Variants in NHEJ1 observed in about 807,000 individuals in gnomAD.
NHEJ1 encodes the protein non-homologous end joining factor 1.
NHEJ1 carries 22 observed loss-of-function variants against 39.4 expected under a neutral mutation model. The ratio of observed to expected loss-of-function variants is 0.56; its 90% CI spans 0.40 to 0.80. NHEJ1 has a LOEUF of 0.80. Among genes scored for constraint, NHEJ1 ranks in the 30% least tolerant of loss-of-function variants. NHEJ1 has a pLI of 0.00. For missense variants in NHEJ1, 329 were observed against 357.1 expected (o/e 0.92, Z 0.63); for synonymous variants, 154 against 135.6 (o/e 1.14, Z -0.94).
At chr2:219,145,489 G>A (rs1949730258) in intron 5 of NHEJ1, among the ~76,000 whole-genome samples, 3 of 152,146 alleles carry the variant, frequency 2.0e-5, no homozygotes, top group Non-Finnish European at 4.4e-5. Context: ...TTCAAAAGAG[G>A]TACGGGACAC....
chr2:219,103,450 A>G (rs1302284890), intron 5 of NHEJ1, among the ~76,000 whole-genome samples: 1 of 151,614 alleles, frequency 6.6e-6, no homozygotes, highest in Non-Finnish European at 1.5e-5. Context: ...TAATTTTTGT[A>G]TTTTTAGTAG....
intron 5 of NHEJ1, among the ~76,000 whole-genome samples, chr2:219,113,463 A>T (rs1410854617): frequency 1.3e-5 from 2 of 152,146 alleles, no homozygotes; most frequent in Non-Finnish European, 2.9e-5. Context: ...TATTTTTTGT[A>T]ATCTGACATT....
At chr2:219,134,519 C>T (rs1165545483) in intron 5 of NHEJ1, among the ~76,000 whole-genome samples, 1 of 152,190 alleles carries the variant, frequency 6.6e-6, no homozygotes, top group African/African-American at 2.4e-5. Context: ...GGCTATTACT[C>T]CTTCCAGTTA....
intron 5 of NHEJ1, among the ~76,000 whole-genome samples, chr2:219,089,666 T>C (rs1423872257): frequency 6.6e-6 from 1 of 152,242 alleles, no homozygotes; most frequent in African/African-American, 2.4e-5. Flanking sequence ...GTAGTTATGG[T>C]TGCATAACCT....
intron 5 of NHEJ1, among the ~76,000 whole-genome samples, 173 bp from the exon 6 acceptor site, chr2:219,078,379 G>A (rs1949033942): frequency 6.6e-6 from 1 of 152,160 alleles, no homozygotes; most frequent in Admixed American, 6.5e-5. Flanking sequence ...GATTTCTTGG[G>A]ACATCTCCTC....
At chr2:219,094,467 AT>A (rs1380076032) in intron 5 of NHEJ1, among the ~76,000 whole-genome samples, 1 of 152,134 alleles carries the variant, frequency 6.6e-6, no homozygotes, top group African/African-American at 2.4e-5. Flanking sequence ...GTTTTCCTAA[AT>A]GGATATGATC....
At chr2:219,159,566 T>TATATATGCATATATATATGC (rs745767133) in intron 1 of NHEJ1, among the ~76,000 whole-genome samples, 2 of 17,660 alleles carry the variant, frequency 1.1e-4, no homozygotes, top group African/African-American at 1.5e-4. Flanking sequence ...TATATATGCA[T>TATATATGCATATATATATGC]ATATATATGC....
At chr2:219,125,155 T>G (rs1949503484) in intron 5 of NHEJ1, among the ~76,000 whole-genome samples, 2 of 147,904 alleles carry the variant, frequency 1.4e-5, no homozygotes, top group Admixed American at 6.7e-5. Flanking sequence ...GATCAAGAAC[T>G]GATAGACTTA....
chr2:219,130,694 T>C (rs1157534542), intron 5 of NHEJ1, among the ~76,000 whole-genome samples: 1 of 152,154 alleles, frequency 6.6e-6, no homozygotes, highest in East Asian at 1.9e-4. Flanking sequence ...CATGTTAGGT[T>C]GGATGAAATG....
At chr2:219,145,776 T>C (rs1481182561) in intron 5 of NHEJ1, among the ~76,000 whole-genome samples, 1 of 151,712 alleles carries the variant, frequency 6.6e-6, no homozygotes, top group Non-Finnish European at 1.5e-5. Context: ...CTACTAAAAA[T>C]ACAAAATTAG....
intron 3 of NHEJ1, among the ~76,000 whole-genome samples, chr2:219,153,340 C>G (rs1949815839): frequency 6.6e-6 from 1 of 152,174 alleles, no homozygotes; most frequent in Non-Finnish European, 1.5e-5. Flanking sequence ...AAATTCGAGT[C>G]TGCTGGTTCC....
chr2:219,130,002 A>T (rs1264244185), intron 5 of NHEJ1, among the ~76,000 whole-genome samples: 1 of 141,446 alleles, frequency 7.1e-6, no homozygotes. Context: ...TCCCTCTCTC[A>T]GTTCTATTTT....
Position 219,076,181 on chromosome 2 carries a change from C to A in NHEJ1, c.*200G>T. 8.2e-7 allele frequency: 1 copy of A among 1,214,554 alleles called. No homozygotes were observed. Among genetic ancestry groups the A allele is most frequent in the Non-Finnish European group, 1.1e-6 (1 of 885,806 alleles). 75.2% of individuals were successfully genotyped at this position (1,214,554 alleles called of 1,614,324 possible). On this transcript the variant is annotated 3_prime_UTR_variant, in exon 8 of 8. Coordinates refer to ENST00000356853, the MANE Select transcript of NHEJ1 (RefSeq NM_024782.3). ...CCAAAAGAGAGGAGAGCACGGGATT[C>A]TCAGAGACTGGCTTCCACTTGAACA...
At chr2:219,137,595 A>AAAAAAAAAAAAAAAATAAAAAAAAAAAC (rs143557047) in intron 5 of NHEJ1, among the ~76,000 whole-genome samples, 1 of 82,668 alleles carries the variant, frequency 1.2e-5, no homozygotes, top group African/African-American at 3.3e-5. Flanking sequence ...AAAAAAAACA[A>AAAAAAAAAAAAAAAATAAAAAAAAAAAC]AAAAAACTGA....
At position 219,099,058 on chromosome 2, in the gene NHEJ1, T is replaced by C. The variant is rs1027771237; in HGVS notation, c.589-20852A>G. ...CAATGGGCTGGAGCTCTCTGTAGGA[T>C]TAAAGGAATGTTGAGTCAAGGTAGA... On this transcript the variant is annotated intron_variant, in intron 5 of 7. Coordinates refer to ENST00000356853, the MANE Select transcript of NHEJ1 (RefSeq NM_024782.3). 3.9e-5 allele frequency among the ~76,000 whole-genome samples: 6 copies of C among 152,074 alleles called. No homozygotes were observed. The South Asian group carries it at 1.2e-3, about 32-fold the overall frequency.
At chr2:219,090,585 T>A (rs1949151798) in intron 5 of NHEJ1, among the ~76,000 whole-genome samples, 1 of 152,168 alleles carries the variant, frequency 6.6e-6, no homozygotes, top group Non-Finnish European at 1.5e-5. Flanking sequence ...AAATAATTGT[T>A]CCTCACCTCT....
intron 5 of NHEJ1, among the ~76,000 whole-genome samples, chr2:219,078,805 C>T (rs903817562): frequency 1.3e-5 from 2 of 152,064 alleles, no homozygotes; most frequent in Non-Finnish European, 2.9e-5. Context: ...GGCTGAGATT[C>T]CCCCAAGGGA....
At chr2:219,148,171 ATTG>A (rs1949761024) in intron 3 of NHEJ1, among the ~76,000 whole-genome samples, 2 of 152,222 alleles carry the variant, frequency 1.3e-5, no homozygotes, top group Non-Finnish European at 2.9e-5. Flanking sequence ...AGGCACAAGA[ATTG>A]TTTGAACCCA....
chr2:219,155,865 T>C (rs1395218191), intron 3 of NHEJ1, among the ~76,000 whole-genome samples: 24 of 142,732 alleles, frequency 1.7e-4, no homozygotes, highest in East Asian at 1.1e-3. Context: ...GCGGAGCTTG[T>C]AGTGAGCTGA....
Sources: allele counts gnomAD v4.1 joint callset (sites outside exome capture counted in the v4.1 genomes callset), GRCh38; gene constraint gnomAD v4.1.1; transcripts MANE v1.5; gene names NCBI Gene and HGNC (gene_info 2026-07-23, HGNC 2026-07-21).